Variants in ADAMTSL3 observed in about 807,000 individuals in gnomAD.
ADAMTSL3 encodes ADAMTS-like protein 3.
A neutral mutation model predicts 201.7 loss-of-function variants in ADAMTSL3; 128 were observed. That is an observed-to-expected ratio of 0.63 (90% CI 0.55 to 0.73). The LOEUF (loss-of-function observed/expected upper bound fraction) is 0.73, where lower values mean the gene tolerates loss of function less well. ADAMTSL3 is among the 30% of genes least tolerant of loss of function. The pLI, the probability that ADAMTSL3 is intolerant of heterozygous loss-of-function variation, is 0.00. For missense variants in ADAMTSL3, 1,990 were observed against 2,119.6 expected (o/e 0.94, Z 1.20); for synonymous variants, 738 against 748.4 (o/e 0.99, Z 0.23).
intron 5 of ADAMTSL3, among the ~76,000 whole-genome samples, chr15:83,808,060 A>G (rs1312553220): frequency 2.6e-5 from 4 of 152,236 alleles, no homozygotes; most frequent in African/African-American, 9.6e-5. Flanking sequence ...AAAATGCTTC[A>G]TGACGTTGGA....
chr15:84,023,521 C>T (rs142505050), intron 26 of ADAMTSL3, among the ~76,000 whole-genome samples: 56 of 152,282 alleles, frequency 3.7e-4, no homozygotes, highest in African/African-American at 1.3e-3. Context: ...ATAGGTCTTC[C>T]AGTACCCTTT....
intron 3 of ADAMTSL3, among the ~76,000 whole-genome samples, chr15:83,706,035 A>G (rs2061846010): frequency 6.6e-6 from 1 of 152,188 alleles, no homozygotes; most frequent in African/African-American, 2.4e-5. Context: ...CTAAAACATC[A>G]TTAAGTCACT....
Position 83,962,822 on chromosome 15 carries a change from C to T in ADAMTSL3, c.2491-7662C>T, listed in dbSNP as rs186631482. Among the ~76,000 whole-genome samples the T allele has an allele frequency of 3.3e-5, 5 of 152,310 alleles. No homozygotes were observed. The East Asian group carries it at 5.8e-4, about 18-fold the overall frequency. On this transcript the variant is annotated intron_variant, in intron 19 of 29. Transcript: ENST00000286744. Reference sequence around the variant, plus strand: ...TGTATGTCCAACAGAGGTACTGGCTCATCTCATTGGGACTGGTTAGACAGA... The same window carrying T: ...TGTATGTCCAACAGAGGTACTGGCTTATCTCATTGGGACTGGTTAGACAGA...
At chr15:83,749,911 AGC>A (rs1257324910) in intron 3 of ADAMTSL3, among the ~76,000 whole-genome samples, 1 of 152,208 alleles carries the variant, frequency 6.6e-6, no homozygotes, top group African/African-American at 2.4e-5. Context: ...AAAAATGATA[AGC>A]TCAGAAGTCC....
intron 2 of ADAMTSL3, among the ~76,000 whole-genome samples, chr15:83,681,663 A>G (rs1358875213): frequency 2.0e-5 from 3 of 152,174 alleles, no homozygotes; most frequent in Non-Finnish European, 4.4e-5. Flanking sequence ...CTGGCTGTGG[A>G]AGCTGGGGTC....
At chr15:83,718,151 G>T (rs1041267940) in intron 3 of ADAMTSL3, among the ~76,000 whole-genome samples, 2 of 152,016 alleles carry the variant, frequency 1.3e-5, no homozygotes, top group Non-Finnish European at 1.5e-5. Context: ...CACTGAAAAG[G>T]CATAATAACA....
At chr15:84,011,037 C>T (rs570649345) in intron 23 of ADAMTSL3, among the ~76,000 whole-genome samples, 1 of 152,164 alleles carries the variant, frequency 6.6e-6, no homozygotes, top group South Asian at 2.1e-4. Context: ...GATTAAGGTC[C>T]GTGAGGAACT....
chr15:83,723,339 T>A (rs1246497737), intron 3 of ADAMTSL3, among the ~76,000 whole-genome samples: 1 of 152,198 alleles, frequency 6.6e-6, no homozygotes, highest in Non-Finnish European at 1.5e-5. Flanking sequence ...AAGTTTATAT[T>A]GTGCTGTTGA....
chr15:83,927,414 C>CT (rs2066269615), intron 17 of ADAMTSL3, among the ~76,000 whole-genome samples: 2 of 152,044 alleles, frequency 1.3e-5, no homozygotes, highest in African/African-American at 4.8e-5. Flanking sequence ...GCACCTGGCC[C>CT]ATGAATCCTT....
intron 11 of ADAMTSL3, 39 bp from the exon 12 acceptor site, chr15:83,891,290 A>G: frequency 6.8e-7 from 1 of 1,478,068 alleles, no homozygotes; most frequent in Non-Finnish European, 9.5e-7. Flanking sequence ...GTGTTAATTT[A>G]TTATAGAAAT....
chr15:83,668,440 C>T (rs1474841675), intron 2 of ADAMTSL3, among the ~76,000 whole-genome samples: 3 of 149,990 alleles, frequency 2.0e-5, no homozygotes, highest in African/African-American at 7.4e-5. Context: ...CTTCCTTATT[C>T]TGAAGTGTCA....
At chr15:83,930,498 TG>T (rs2066335696) in intron 17 of ADAMTSL3, among the ~76,000 whole-genome samples, 1 of 152,198 alleles carries the variant, frequency 6.6e-6, no homozygotes, top group Non-Finnish European at 1.5e-5. Context: ...GAAAGCTTAC[TG>T]GTTTATTCAT....
At chr15:83,853,678 A>G (rs982837666) in intron 7 of ADAMTSL3, among the ~76,000 whole-genome samples, 20 of 152,206 alleles carry the variant, frequency 1.3e-4, no homozygotes, top group African/African-American at 4.6e-4. Context: ...TGCATAATTC[A>G]AATTTATGAT....
intron 4 of ADAMTSL3, among the ~76,000 whole-genome samples, chr15:83,799,321 T>C (rs889123628): frequency 2.0e-5 from 3 of 152,192 alleles, no homozygotes; most frequent in Non-Finnish European, 4.4e-5. Flanking sequence ...CAAATGTAGC[T>C]ATTTTCCTCA....
chr15:83,867,247 G>C (rs1328962346), intron 8 of ADAMTSL3, among the ~76,000 whole-genome samples: 1 of 152,168 alleles, frequency 6.6e-6, no homozygotes. Context: ...TCTCTTTGCT[G>C]TGAAGTGAAT....
At chr15:83,681,771 C>T (rs2061478937) in intron 2 of ADAMTSL3, among the ~76,000 whole-genome samples, 1 of 152,142 alleles carries the variant, frequency 6.6e-6, no homozygotes, top group South Asian at 2.1e-4. Flanking sequence ...AAGAGAGAGA[C>T]CTCAAGTGAA....
chr15:83,727,193 G>A (rs960046141), intron 3 of ADAMTSL3, among the ~76,000 whole-genome samples: 3 of 151,432 alleles, frequency 2.0e-5, no homozygotes, highest in African/African-American at 4.8e-5. Context: ...ATAGTTGCTC[G>A]TAATAACCAC....
chr15:84,023,127 T>G (rs947552306), intron 26 of ADAMTSL3, among the ~76,000 whole-genome samples: 4 of 152,220 alleles, frequency 2.6e-5, no homozygotes, highest in African/African-American at 9.6e-5. Flanking sequence ...TGCTCAATAA[T>G]TTATTCCTAG....
intron 25 of ADAMTSL3, among the ~76,000 whole-genome samples, chr15:84,019,382 G>C (rs143054638): frequency 1.3e-5 from 2 of 151,606 alleles, no homozygotes; most frequent in East Asian, 3.9e-4. Flanking sequence ...CGACCTAGCA[G>C]TTTCACTCAC....
Sources: allele counts gnomAD v4.1 joint callset (sites outside exome capture counted in the v4.1 genomes callset), GRCh38; gene constraint gnomAD v4.1.1; transcripts MANE v1.5; gene names NCBI Gene and HGNC (gene_info 2026-07-23, HGNC 2026-07-21).